Variants in PSTPIP1 observed in about 807,000 individuals in gnomAD.
The protein encoded by PSTPIP1 is proline-serine-threonine phosphatase interacting protein 1, also known as proline-serine-threonine phosphatase-interacting protein 1.
Under a neutral mutation model 69.6 loss-of-function variants are expected in PSTPIP1, and 66 were observed. The ratio of observed to expected loss-of-function variants is 0.95; its 90% confidence interval spans 0.78 to 1.16. The LOEUF is 1.16. Among genes scored for constraint, PSTPIP1 ranks in the 50% most tolerant of loss-of-function variants. The pLI is 0.00. For synonymous variants in PSTPIP1, 266 were observed against 222.7 expected (o/e 1.19, Z -1.73); for missense variants, 603 against 557.4 (o/e 1.08, Z -0.82).
At chr15:77,033,428 G>A (rs1246244801) in intron 12 of PSTPIP1, among the ~76,000 whole-genome samples, 1 of 152,152 alleles carries the variant, frequency 6.6e-6, no homozygotes, top group Non-Finnish European at 1.5e-5. Context: ...CACTCTCTAA[G>A]GCCAGGGCCC....
chr15:77,019,902 G>A (rs1432082242), intron 3 of PSTPIP1, among the ~76,000 whole-genome samples: 1 of 152,216 alleles, frequency 6.6e-6, no homozygotes, highest in Non-Finnish European at 1.5e-5. Context: ...GACCAGGGGA[G>A]CCCCTCCTGG....
chr15:77,020,060 G>A (rs1216670880), intron 3 of PSTPIP1, among the ~76,000 whole-genome samples: 2 of 152,210 alleles, frequency 1.3e-5, no homozygotes, highest in African/African-American at 4.8e-5. Flanking sequence ...GTGGGTCTGT[G>A]TGATGCAGGC....
At chr15:77,036,022 CTCTCCTCATG>C (rs971456759) in intron 14 of PSTPIP1, 87 bp downstream of exon 14, 1 of 1,438,810 alleles carries the variant, frequency 7.0e-7, no homozygotes, top group African/African-American at 1.4e-5. Context: ...GCGTCCTCAT[CTCTCCTCATG>C]GTTTCACTCA....
chr15:77,015,188 G>C (rs2076024681), intron 1 of PSTPIP1, among the ~76,000 whole-genome samples: 1 of 152,202 alleles, frequency 6.6e-6, no homozygotes, highest in South Asian at 2.1e-4. Context: ...TCATTTTCAA[G>C]AGTTATTTTT....
intron 7 of PSTPIP1, 134 bp from the exon 8 acceptor site, chr15:77,029,395 C>G: frequency 1.0e-6 from 1 of 965,906 alleles, no homozygotes; most frequent in Non-Finnish European, 1.6e-6. Flanking sequence ...TGGATGATGG[C>G]ATCTGCCCAT....
chr15:77,023,969 A>AC (rs141282975), intron 3 of PSTPIP1: 2,665 of 152,244 alleles, frequency 0.018, 70 homozygotes, highest in African/African-American at 0.058. Flanking sequence ...CCACACAGCC[A>AC]CCCCTCTCCT....
Position 77,009,183 on chromosome 15 carries a change from A to C in PSTPIP1, c.37-8965A>C, listed in dbSNP as rs913605621. 2.6e-5 allele frequency among the ~76,000 whole-genome samples: 4 copies of C among 152,260 alleles called. No homozygotes were observed. The East Asian group carries it at 5.8e-4, about 22-fold the overall frequency. ...TCCCCTGCAGGTGTGGAGTCCAACT[A>C]GCCCCCCAGGCACGGAAGGCCTCAG... On this transcript the variant is annotated intron_variant, in intron 1 of 14. Transcript: ENST00000558012.
rs2076408218 is a variant in PSTPIP1, at chr15:77,031,211, C to T, written c.674C>T (p.Thr225Ile). The T allele has an allele frequency of 6.2e-7, 1 of 1,612,958 alleles. No individual in the cohort carries two copies. Among genetic ancestry groups the T allele is most frequent in the African/African-American group, 1.3e-5 (1 of 74,938 alleles). Reference sequence around the variant, plus strand: ...CAGCTGCAAGAGTTTGACCGGCTGACCATTCTCCGCAACGCCCTGTGGGTG... The same window carrying T: ...CAGCTGCAAGAGTTTGACCGGCTGATCATTCTCCGCAACGCCCTGTGGGTG... ...AFQLQEFDRL[T>I]ILRNALWVHS... The change falls in exon 10 of 15, where the codon ACC becomes ATC. Residue 225 changes from threonine to isoleucine, a missense_variant. Physicochemically the swap from Thr to Ile is moderately conservative, Grantham distance 89. Coordinates refer to ENST00000558012, the MANE Select transcript of PSTPIP1 (RefSeq NM_003978.5).
chr15:77,020,565 A>T (rs2076139624), intron 3 of PSTPIP1, among the ~76,000 whole-genome samples: 1 of 152,180 alleles, frequency 6.6e-6, no homozygotes, highest in African/African-American at 2.4e-5. Flanking sequence ...TTGAGGACCT[A>T]CTATGTGCCA....
rs368685017 is a variant in PSTPIP1, at chr15:77,032,321, G to A, written c.765G>A (p.Thr255=). Residue 255 remains threonine, a synonymous_variant, in exon 11 of 15, where the codon ACG becomes ACA. Coordinates refer to ENST00000558012, the MANE Select transcript of PSTPIP1 (RefSeq NM_003978.5). The part of the protein sequence containing the change: ...DDELYEEVRL[T]LEGCSIDADI... ...AGCTCTACGAGGAAGTGCGGCTGAC[G>A]CTGGAAGGCTGCAGCATAGACGCCG... 12 of 1,612,448 alleles carry A rather than the reference G, an allele frequency of 7.4e-6. No individual in the cohort carries two copies. In the African/African-American group the frequency reaches 8.0e-5, roughly 11 times the overall value.
intron 1 of PSTPIP1, among the ~76,000 whole-genome samples, chr15:77,005,682 C>T (rs2075801498): frequency 6.6e-6 from 1 of 152,206 alleles, no homozygotes; most frequent in Admixed American, 6.5e-5. Flanking sequence ...CTCGATTCTA[C>T]TTTCTAGCTC....
Position 77,035,946 on chromosome 15 carries a change from T to C in PSTPIP1, c.1119+11T>C, listed in dbSNP as rs1200388084. On this transcript the variant is annotated intron_variant, in intron 14 of 14. Coordinates refer to ENST00000558012, the MANE Select transcript of PSTPIP1 (RefSeq NM_003978.5). ...GATTATACAGCGCAGGTGAGGCCTC[T>C]ATACCCCAAACCCACCTGTGCCACC... 2 of 1,586,410 alleles carry C rather than the reference T, an allele frequency of 1.3e-6. No homozygotes were observed. The highest frequency in any genetic ancestry group is 2.3e-5 in the South Asian group (2 of 87,988).
rs1401702747 is a variant in PSTPIP1, at chr15:77,025,554, C to G, written c.304C>G (p.Leu102Val). The G allele has an allele frequency of 6.4e-7, 1 of 1,554,556 alleles. No individual in the cohort carries two copies. The highest frequency in any genetic ancestry group is 8.7e-7 in the Non-Finnish European group (1 of 1,148,714). ...IQLALTLREE[L>V]RSLEEFRERQ... ...GCTGGCCCTGACCCTGCGTGAGGAG[C>G]TGCGGAGTCTCGAGGAGTTTCGTGA... The change falls in exon 5 of 15, where the codon CTG (leucine) becomes GTG (valine). Residue 102 changes from leucine (L) to valine (V), a missense_variant. Leu to Val is a conservative substitution (Grantham distance 32, BLOSUM62 1). Transcript: ENST00000558012.
At chr15:77,012,171 A>T (rs1457829660) in intron 1 of PSTPIP1, among the ~76,000 whole-genome samples, 1 of 40,864 alleles carries the variant, frequency 2.4e-5, no homozygotes, top group Non-Finnish European at 5.2e-5. Context: ...CCACCCACCC[A>T]CCCACCCATT....
chr15:77,012,147 ATCCATC>A (rs2075950423), intron 1 of PSTPIP1, among the ~76,000 whole-genome samples: 1 of 124,570 alleles, frequency 8.0e-6, no homozygotes, highest in East Asian at 2.4e-4. Context: ...CCATCCATCC[ATCCATC>A]CATCCACCCA....
intron 1 of PSTPIP1, chr15:77,015,826 C>G: frequency 2.3e-6 from 1 of 435,032 alleles, no homozygotes; most frequent in South Asian, 1.6e-5. Context: ...CTCGGAACAT[C>G]CCAGTCCTTG....
intron 1 of PSTPIP1, among the ~76,000 whole-genome samples, chr15:77,013,194 C>T (rs2075980793): frequency 6.6e-6 from 1 of 152,234 alleles, no homozygotes; most frequent in Non-Finnish European, 1.5e-5. Flanking sequence ...TGCTTCCCCA[C>T]CTGTGGCCCA....
chr15:77,033,290 G>A (rs1346447073), intron 12 of PSTPIP1, among the ~76,000 whole-genome samples: 1 of 152,210 alleles, frequency 6.6e-6, no homozygotes, highest in Non-Finnish European at 1.5e-5. Flanking sequence ...ACGCTGTCTG[G>A]CTGGAGCAGG....
At chr15:77,014,040 G>T (rs2075999979) in intron 1 of PSTPIP1, among the ~76,000 whole-genome samples, 1 of 152,136 alleles carries the variant, frequency 6.6e-6, no homozygotes, top group Admixed American at 6.5e-5. Flanking sequence ...GGGAGCTGCT[G>T]CTTGCTGAAC....
Sources: gnomAD v4.1 joint callset for allele counts (sites outside exome capture counted in the v4.1 genomes callset) on GRCh38, gnomAD v4.1.1 for gene constraint, MANE v1.5 for transcripts, NCBI Gene and HGNC (gene_info 2026-07-23, HGNC 2026-07-21) for gene names.